ITGB6: variants seen among roughly 807,000 people sequenced by gnomAD.
ITGB6 encodes the protein integrin subunit beta 6.
In ITGB6, 80 loss-of-function variants were observed where a neutral mutation model predicts 84.5. The ratio of observed to expected loss-of-function variants is 0.95; its 90% CI spans 0.79 to 1.14. The LOEUF (loss-of-function observed/expected upper bound fraction) is 1.14. Among genes scored for constraint, ITGB6 ranks in the 50% most tolerant of loss-of-function variants. The pLI, the probability that ITGB6 is intolerant of heterozygous loss-of-function variation, is 0.00. For synonymous variants in ITGB6, 383 were observed against 354.9 expected, an observed-to-expected ratio of 1.08 and a Z score of -0.89; for missense variants, 1,006 against 968.0, an observed-to-expected ratio of 1.04 and a Z score of -0.52.
At chr2:160,121,508 G>C (rs534034934) in intron 12 of ITGB6, among the ~76,000 whole-genome samples, 36 of 152,204 alleles carry the variant, frequency 2.4e-4, no homozygotes, top group African/African-American at 8.7e-4. Context: ...TCTCAAGCTG[G>C]GCACTGTGGT....
intron 10 of ITGB6, among the ~76,000 whole-genome samples, chr2:160,132,353 A>C (rs1235956912): frequency 6.6e-6 from 1 of 152,160 alleles, no homozygotes; most frequent in East Asian, 1.9e-4. Context: ...ATATTCTCAG[A>C]AGAACTTATT....
chr2:160,163,596 C>T (rs1307790281), intron 7 of ITGB6, among the ~76,000 whole-genome samples: 2 of 149,476 alleles, frequency 1.3e-5, no homozygotes, highest in Non-Finnish European at 3.0e-5. Context: ...TGTGCCACTG[C>T]ACTTTAGCCT....
chr2:160,129,490 G>C (rs374344044), intron 10 of ITGB6, among the ~76,000 whole-genome samples: 41 of 151,462 alleles, frequency 2.7e-4, no homozygotes, highest in African/African-American at 9.7e-4. Flanking sequence ...GTATATAACA[G>C]TGTTTAGAAC....
rs1196692553 is a variant in ITGB6 at position 160,117,945 on chromosome 2, T to C, written c.1982-5746A>G. 1.1e-4 allele frequency among the ~76,000 whole-genome samples: 16 copies of C among 152,144 alleles called. No homozygotes were observed. In the East Asian group the frequency reaches 2.3e-3, roughly 22 times the overall value. ...ATGGATAAATTCCTTGACACATACA[T>C]CCTCCCAAGACTAAACCAGGAAGAA... is the stretch of plus-strand genomic sequence containing the variant. On this transcript the variant is annotated intron_variant, in intron 12 of 14. Transcript: ENST00000283249.
chr2:160,112,598 G>T (rs1228443653), intron 12 of ITGB6, among the ~76,000 whole-genome samples: 1 of 152,132 alleles, frequency 6.6e-6, no homozygotes, highest in African/African-American at 2.4e-5. Flanking sequence ...AGTTCAAACT[G>T]ATACTGATAC....
chr2:160,200,258 C>T lies in ITGB6; in HGVS notation c.-195G>A. 1 of 532,286 alleles carries T rather than the reference C, an allele frequency of 1.9e-6. No homozygotes were observed. Among genetic ancestry groups the T allele is most frequent in the South Asian group, 2.6e-5 (1 of 38,632 alleles). 33.0% of individuals were successfully genotyped at this position (532,286 alleles called of 1,614,324 possible). ...AGACTGAAATGAAAACAGAGGCTAC[C>T]TGGACAGGTAAAGCAGAAAAGCTGT... is the stretch of plus-strand genomic sequence containing the variant. On this transcript the variant is annotated 5_prime_UTR_variant, in exon 1 of 15. Coordinates refer to ENST00000283249, the MANE Select transcript of ITGB6 (RefSeq NM_000888.5).
intron 4 of ITGB6, among the ~76,000 whole-genome samples, chr2:160,187,489 A>G (rs1227826015): frequency 6.6e-6 from 1 of 152,216 alleles, no homozygotes; most frequent in East Asian, 1.9e-4. Flanking sequence ...AGTCATTGAA[A>G]AAAGCTATTA....
chr2:160,151,589 T>A (rs920313754), intron 7 of ITGB6, among the ~76,000 whole-genome samples: 1 of 151,408 alleles, frequency 6.6e-6, no homozygotes, highest in African/African-American at 2.4e-5. Context: ...AAGAAATAAC[T>A]AAGATCAGAG....
intron 7 of ITGB6, among the ~76,000 whole-genome samples, chr2:160,157,132 G>T (rs879697181): frequency 2.0e-5 from 3 of 152,022 alleles, no homozygotes; most frequent in Non-Finnish European, 4.4e-5. Flanking sequence ...CTCAAGTGGC[G>T]GTGTCTCTGT....
intron 8 of ITGB6, among the ~76,000 whole-genome samples, chr2:160,141,691 T>G (rs1684006144): frequency 6.6e-6 from 1 of 152,172 alleles, no homozygotes; most frequent in African/African-American, 2.4e-5. Flanking sequence ...GTATGACTCG[T>G]GGAGCCTTTA....
intron 13 of ITGB6, among the ~76,000 whole-genome samples, chr2:160,109,426 T>C (rs1697034552): frequency 6.6e-6 from 1 of 152,304 alleles, no homozygotes; most frequent in Admixed American, 6.5e-5. Context: ...TGGGGCATAG[T>C]ATGTTCCTGT....
intron 7 of ITGB6, among the ~76,000 whole-genome samples, chr2:160,147,635 CAAA>C (rs1684249590): frequency 6.6e-6 from 1 of 152,046 alleles, no homozygotes; most frequent in Admixed American, 6.5e-5. Context: ...AATAGTCAGA[CAAA>C]TGTAACAGAA....
chr2:160,132,179 C>T (rs958543953), intron 10 of ITGB6, among the ~76,000 whole-genome samples: 6 of 152,058 alleles, frequency 3.9e-5, no homozygotes, highest in African/African-American at 1.4e-4. Flanking sequence ...CTTCTTGTCA[C>T]CTTCAGATTG....
At chr2:160,135,445 G>T (rs1416332847) in intron 10 of ITGB6, among the ~76,000 whole-genome samples, 1 of 150,064 alleles carries the variant, frequency 6.7e-6, no homozygotes, top group African/African-American at 2.4e-5. Context: ...TCATGGGTAG[G>T]AAGAATCAAT....
chr2:160,119,184 C>T (rs1448658403), intron 12 of ITGB6, among the ~76,000 whole-genome samples: 1 of 152,092 alleles, frequency 6.6e-6, no homozygotes, highest in Admixed American at 6.6e-5. Flanking sequence ...TCATATGGAA[C>T]CAAAAAAGAG....
intron 12 of ITGB6, 70 bp from the exon 13 acceptor site, chr2:160,112,269 T>A: frequency 7.2e-7 from 1 of 1,388,574 alleles, no homozygotes; most frequent in South Asian, 1.2e-5. Flanking sequence ...AACAAAGTAG[T>A]ATTGAGTTTT....
chr2:160,150,614 C>T (rs1484002467), intron 7 of ITGB6, among the ~76,000 whole-genome samples: 1 of 152,156 alleles, frequency 6.6e-6, no homozygotes, highest in Non-Finnish European at 1.5e-5. Flanking sequence ...ACAATATTAA[C>T]TTTAAATGTA....
At position 160,108,214 on chromosome 2, in the gene ITGB6, A is replaced by AGTGTGTGTGTGTGT. The variant is rs57363305; in HGVS notation, c.2102-383_2102-370dup. On this transcript the variant is annotated intron_variant, in intron 13 of 14. Transcript: ENST00000283249. ...TGAGTTCACGATAAAGCAGAAATGG[A>AGTGTGTGTGTGTGT]GTGTGTGTGTGTGTGTGTGTGTGTG... 4.0e-3 allele frequency among the ~76,000 whole-genome samples: 575 copies of AGTGTGTGTGTGTGT among 142,808 alleles called. 7 individuals carry two copies. Among genetic ancestry groups the AGTGTGTGTGTGTGT allele is most frequent in the African/African-American group, 7.9e-3 (293 of 37,302 alleles). 93.7% of individuals were successfully genotyped at this position (142,808 alleles called of 152,430 possible).
At position 160,126,396 on chromosome 2, in the gene ITGB6, G is replaced by A. The variant is rs1683242268; in HGVS notation, c.1866C>T (p.Asp622=). The change falls in exon 11 of 15, where the codon GAC becomes GAT. Residue 622 remains aspartate, a synonymous_variant. Transcript: ENST00000283249. ...GACATTACCGTTTAGAGTTACAGGG[G>A]TCACCACAGGTAGGACATCGTTCAC... The part of the protein sequence containing the change: ...PTCERCPTCG[D]PCNSKRSCIE... 1 of 1,613,998 alleles carries A rather than the reference G, an allele frequency of 6.2e-7. No individual in the cohort carries two copies.
Sources: allele counts gnomAD v4.1 joint callset (sites outside exome capture counted in the v4.1 genomes callset), GRCh38; gene constraint gnomAD v4.1.1; transcripts MANE v1.5; gene names NCBI Gene and HGNC (gene_info 2026-07-23, HGNC 2026-07-21).